The following TRIO variants were observed in gnomAD, a reference collection of about 807,000 sequenced individuals.
TRIO encodes trio Rho guanine nucleotide exchange factor, also known as triple functional domain protein.
In TRIO, 58 loss-of-function variants were observed where a neutral mutation model predicts 351.9. The observed-to-expected ratio is 0.16, with a 90% CI of 0.13 to 0.21. TRIO has a LOEUF of 0.21. TRIO is among the 10% of genes least tolerant of loss of function. TRIO has a pLI of 1.00. For missense variants in TRIO, 3,201 were observed against 4,027.8 expected, an observed-to-expected ratio of 0.79 and a Z score of 5.56; for synonymous variants, 1,758 against 1,595.7, an observed-to-expected ratio of 1.10 and a Z score of -2.42.
chr5:14,412,570 C>T (rs1460728690), intron 33 of TRIO, among the ~76,000 whole-genome samples: 3 of 152,202 alleles, frequency 2.0e-5, no homozygotes, highest in Admixed American at 6.5e-5. Flanking sequence ...CGGCCAGGCA[C>T]AGAGGTGTCC....
In TRIO at chr5:14,508,610, C is replaced by T. The variant is rs1261971042; in HGVS notation, c.*188C>T. ...TGCAAGCTGCGCTGGGGTGGAGGAC[C>T]GTCACTTACACTCTGCCCAAGGCAG... On this transcript the variant is annotated 3_prime_UTR_variant, in exon 57 of 57. Coordinates refer to ENST00000344204, the MANE Select transcript of TRIO (RefSeq NM_007118.4). 1.0e-5 allele frequency: 7 copies of T among 673,296 alleles called. No homozygotes were observed. Among genetic ancestry groups the T allele is most frequent in the Middle Eastern group, 3.9e-4 (1 of 2,540 alleles). The allele number at this position is 673,296 out of a possible 1,614,324, so 41.7% of individuals were successfully genotyped here.
At chr5:14,363,614 A>G in intron 13 of TRIO, 118 bp from the exon 14 acceptor site, 2 of 861,320 alleles carry the variant, frequency 2.3e-6, no homozygotes, top group South Asian at 3.5e-5. Flanking sequence ...ATGCATCTTA[A>G]GTGTTTGACG....
intron 1 of TRIO, among the ~76,000 whole-genome samples, chr5:14,261,100 G>T (rs1795315316): frequency 6.6e-6 from 1 of 152,212 alleles, no homozygotes; most frequent in South Asian, 2.1e-4. Context: ...CAGGAGGTAA[G>T]GCTGGGGTAG....
intron 1 of TRIO, among the ~76,000 whole-genome samples, chr5:14,232,150 A>G (rs565052915): frequency 3.1e-4 from 47 of 152,268 alleles, no homozygotes; most frequent in African/African-American, 1.0e-3. Flanking sequence ...TGGTTGCCTA[A>G]GGTCATATAG....
intron 10 of TRIO, 78 bp from the exon 11 acceptor site, chr5:14,336,458 G>A (rs1741428704): frequency 2.1e-6 from 3 of 1,414,838 alleles, no homozygotes; most frequent in Non-Finnish European, 2.9e-6. Flanking sequence ...TGACTGTGTT[G>A]CTATATATTA....
rs768884619 is a variant in TRIO, at chr5:14,465,598, C to G, written c.5721C>G (p.Ala1907=). ...CCAGCTCCGAAACACCGAGTGCAGC[C>G]GAGCTCGTCAGTGCAATTGAGGAAC... ...RPTSSETPSA[A]ELVSAIEELV... is the part of the protein sequence containing the mutation. The change falls in exon 37 of 57, where the codon GCC becomes GCG. Residue 1907 remains alanine (A), a synonymous_variant. Coordinates refer to ENST00000344204, the MANE Select transcript of TRIO (RefSeq NM_007118.4). 3.5e-5 allele frequency: 56 copies of G among 1,614,034 alleles called. No homozygotes were observed. Among genetic ancestry groups the G allele is most frequent in the Non-Finnish European group, 4.6e-5 (54 of 1,179,996 alleles).
chr5:14,226,082 A>G (rs2152214978), intron 1 of TRIO, among the ~76,000 whole-genome samples: 1 of 152,216 alleles, frequency 6.6e-6, no homozygotes, highest in Non-Finnish European at 1.5e-5. Flanking sequence ...GACTTCAGGG[A>G]GGCACCTGGT....
chr5:14,154,679 C>T (rs1164699730), intron 1 of TRIO, among the ~76,000 whole-genome samples: 1 of 152,080 alleles, frequency 6.6e-6, no homozygotes, highest in Non-Finnish European at 1.5e-5. Context: ...CTGTTGTTTT[C>T]GAGCATCATT....
intron 23 of TRIO, among the ~76,000 whole-genome samples, chr5:14,388,242 C>T (rs1746719145): frequency 6.6e-6 from 1 of 152,080 alleles, no homozygotes; most frequent in Non-Finnish European, 1.5e-5. Flanking sequence ...GTTTTGCCCC[C>T]AATGTGAGGG....
chr5:14,241,798 A>G (rs1474934506), intron 1 of TRIO, among the ~76,000 whole-genome samples: 1 of 152,224 alleles, frequency 6.6e-6, no homozygotes, highest in Non-Finnish European at 1.5e-5. Flanking sequence ...ACATGTTAGG[A>G]TATACCAGTT....
At chr5:14,343,879 C>A (rs1314766701) in intron 11 of TRIO, among the ~76,000 whole-genome samples, 2 of 152,206 alleles carry the variant, frequency 1.3e-5, no homozygotes, top group Non-Finnish European at 1.5e-5. Context: ...GGTACATTAC[C>A]ACCAGAAATG....
chr5:14,461,070 C>T lies in TRIO; in HGVS notation c.5255C>T (p.Ser1752Phe). 1 of 1,577,300 alleles carries T rather than the reference C, an allele frequency of 6.3e-7. No individual in the cohort carries two copies. Among genetic ancestry groups the T allele is most frequent in the Non-Finnish European group, 8.6e-7 (1 of 1,162,278 alleles). ...NDASPPASVA[S>F]LQPHMIGAQS... ...GCCAGTCCACCCGCATCCGTGGCTT[C>T]CCTCCAGCCCCACATGATCGGGGCC... Residue 1752 changes from serine (S) to phenylalanine (F), a missense_variant, in exon 35 of 57, where the codon TCC becomes TTC. By Grantham distance (155) the Ser-to-Phe change is radical (BLOSUM62 -2). Coordinates refer to ENST00000344204, the MANE Select transcript of TRIO (RefSeq NM_007118.4).
intron 1 of TRIO, among the ~76,000 whole-genome samples, chr5:14,144,159 C>T (rs1465424339): frequency 6.6e-6 from 1 of 152,170 alleles, no homozygotes; most frequent in East Asian, 1.9e-4. Context: ...AGGGCAGAAT[C>T]CCCCGGTCTG....
At chr5:14,392,540 A>G (rs916799213) in intron 27 of TRIO, among the ~76,000 whole-genome samples, 2 of 152,240 alleles carry the variant, frequency 1.3e-5, no homozygotes, top group African/African-American at 4.8e-5. Context: ...AGGATCTAGA[A>G]CCAGAAATGC....
intron 49 of TRIO, among the ~76,000 whole-genome samples, chr5:14,495,710 T>C (rs890627339): frequency 3.5e-5 from 5 of 141,840 alleles, no homozygotes; most frequent in Non-Finnish European, 7.6e-5. Flanking sequence ...GGCTCACGCC[T>C]GTAATCCCAG....
At chr5:14,293,569 T>C (rs73057600) in intron 6 of TRIO, among the ~76,000 whole-genome samples, 1,586 of 152,320 alleles carry the variant, frequency 0.01, 28 homozygotes, top group African/African-American at 0.036. Context: ...CTAGTTCTCC[T>C]GAGGCATGAG....
At chr5:14,183,418 T>G (rs1789911341) in intron 1 of TRIO, among the ~76,000 whole-genome samples, 1 of 152,136 alleles carries the variant, frequency 6.6e-6, no homozygotes, top group Non-Finnish European at 1.5e-5. Flanking sequence ...CCTTGGAGAC[T>G]TGTTGCTTTA....
In TRIO at chr5:14,467,504, C is replaced by T. The variant is rs72730874; in HGVS notation, c.5763+1864C>T. On this transcript the variant is annotated intron_variant, in intron 37 of 56. Coordinates refer to ENST00000344204, the MANE Select transcript of TRIO (RefSeq NM_007118.4). ...GGGTGTGGTAGATAACTCACGAATT[C>T]GGACTCCACTGGTTAAGATTTTGGA... 3.9e-4 allele frequency among the ~76,000 whole-genome samples: 59 copies of T among 152,274 alleles called. 1 individual carries two copies. The highest frequency in any genetic ancestry group is 5.9e-4 in the Non-Finnish European group (40 of 68,020).
At chr5:14,236,804 C>T (rs1389176649) in intron 1 of TRIO, among the ~76,000 whole-genome samples, 1 of 152,118 alleles carries the variant, frequency 6.6e-6, no homozygotes, top group Non-Finnish European at 1.5e-5. Flanking sequence ...GCCATCATCG[C>T]CAGAAAGAAA....
Sources: gnomAD v4.1 joint callset for allele counts (sites outside exome capture counted in the v4.1 genomes callset) on GRCh38, gnomAD v4.1.1 for gene constraint, MANE v1.5 for transcripts, NCBI Gene and HGNC (gene_info 2026-07-23, HGNC 2026-07-21) for gene names.